EPHA8: variants seen among roughly 807,000 people sequenced by gnomAD.
EPHA8 encodes EPH receptor A8, also known as ephrin type-A receptor 8.
EPHA8 carries 58 observed loss-of-function variants against 103.6 expected under a neutral mutation model. That is an observed-to-expected ratio of 0.56 (90% confidence interval 0.45 to 0.70). EPHA8 has a LOEUF of 0.70. Ranked by LOEUF, EPHA8 falls within the 30% of genes least tolerant of loss-of-function variation. The pLI, the probability that EPHA8 is intolerant of heterozygous loss-of-function variation, is 0.00. For synonymous variants in EPHA8, 559 were observed against 572.5 expected (o/e 0.98, Z 0.34); for missense variants, 1,304 against 1,395.2 (o/e 0.93, Z 1.04).
Position 22,569,446 on chromosome 1 carries a change from CAGAGGCCCAG to C in EPHA8, c.159+99_159+108del. ...CTGCATGAGATAGATCAAAAGGAAG[CAGAGGCCCAG>C]AGAGGTCAAGGGACTTACCCAAGGG... On this transcript the variant is annotated intron_variant, in intron 2 of 16. Transcript: ENST00000166244. The surrounding 1 kb of genome is among the most constrained non-coding windows in gnomAD (Gnocchi z 4.5). 7.3e-7 allele frequency: 1 copy of C among 1,362,680 alleles called. No homozygotes were observed. The highest frequency in any genetic ancestry group is 1.0e-6 in the Non-Finnish European group (1 of 1,002,410). 84.4% of individuals were successfully genotyped at this position (1,362,680 alleles called of 1,614,324 possible).
intron 3 of EPHA8, among the ~76,000 whole-genome samples, chr1:22,586,160 G>T (rs546231948): frequency 6.6e-6 from 1 of 152,194 alleles, no homozygotes; most frequent in Admixed American, 6.5e-5. Context: ...GACAGGGCCT[G>T]GGGGAGGGGT....
chr1:22,580,127 CTTTTTTTTTTTTTTTT>C (rs764600240), intron 3 of EPHA8, among the ~76,000 whole-genome samples: 1 of 97,426 alleles, frequency 1.0e-5, no homozygotes, highest in African/African-American at 4.4e-5. Context: ...CTTTCTTTCT[CTTTTTTTTTTTTTTTT>C]TTTTTTTTTT....
chr1:22,576,927 G>A lies in EPHA8; in HGVS notation c.823+47G>A, dbSNP rs1222531729. On this transcript the variant is annotated intron_variant, in intron 3 of 16. Coordinates refer to ENST00000166244, the MANE Select transcript of EPHA8 (RefSeq NM_020526.5). This position sits in a 1 kb window ranked among gnomAD's most constrained non-coding sequence, Gnocchi z 4.8. ...CATGGGTCAGCCGGCAGCGGTGCTTGGTCTTGGCAGGGCTGCCAGGGTGTA... is the reference window on the plus strand; with the variant it reads ...CATGGGTCAGCCGGCAGCGGTGCTTAGTCTTGGCAGGGCTGCCAGGGTGTA... 2.0e-6 allele frequency: 3 copies of A among 1,537,174 alleles called. No homozygotes were observed. The highest frequency in any genetic ancestry group is 2.7e-5 in the African/African-American group (2 of 73,704).
Position 22,598,103 on chromosome 1 carries a change from GC to G in EPHA8, c.2117-45del. 6.3e-7 allele frequency: 1 copy of G among 1,593,358 alleles called. No homozygotes were observed. Among genetic ancestry groups the G allele is most frequent in the Non-Finnish European group, 8.6e-7 (1 of 1,162,150 alleles). ...ATGCTCCTGGGGTCTCTGATCAGCA[GC>G]CCTGAGCCCCAAACCAAGAGCCACC... On this transcript the variant is annotated intron_variant, in intron 11 of 16. Transcript: ENST00000166244. The surrounding 1 kb of genome is among the most constrained non-coding windows in gnomAD (Gnocchi z 5.1).
intron 1 of EPHA8, among the ~76,000 whole-genome samples, chr1:22,568,021 T>C (rs1446565352): frequency 2.0e-5 from 3 of 152,200 alleles, no homozygotes; most frequent in African/African-American, 7.2e-5. Context: ...AGCCCTGATT[T>C]CTAAACAGCA....
intron 15 of EPHA8, 90 bp from the exon 16 acceptor site, chr1:22,601,210 G>C (rs1393638068): frequency 6.5e-7 from 1 of 1,533,980 alleles, no homozygotes; most frequent in Non-Finnish European, 8.7e-7. Flanking sequence ...CCCGGCCCCT[G>C]CCCTGCCGAA....
At position 22,596,100 on chromosome 1, in the gene EPHA8, C is replaced by T; in HGVS notation, c.1698-6C>T. The T allele has an allele frequency of 6.2e-7, 1 of 1,613,756 alleles. No individual in the cohort carries two copies. Among genetic ancestry groups the T allele is most frequent in the Non-Finnish European group, 8.5e-7 (1 of 1,179,934 alleles). On this transcript the variant is annotated splice_region_variant and splice_polypyrimidine_tract_variant and intron_variant, in intron 8 of 16. Coordinates refer to ENST00000166244, the MANE Select transcript of EPHA8 (RefSeq NM_020526.5). ...GCCTCAGGCAGGGCGGTGCCCTCCT[C>T]TGCAGGCACTGTGGCTACAGCAAGG...
rs1569935118 is a variant in EPHA8 at position 22,563,940 on chromosome 1, C to T, written c.94+211C>T. 6.6e-6 allele frequency among the ~76,000 whole-genome samples: 1 copy of T among 151,876 alleles called. No individual in the cohort carries two copies. Among genetic ancestry groups the T allele is most frequent in the Non-Finnish European group, 1.5e-5 (1 of 67,912 alleles). On this transcript the variant is annotated intron_variant, in intron 1 of 16. Transcript: ENST00000166244. This position sits in a 1 kb window ranked among gnomAD's most constrained non-coding sequence, Gnocchi z 4.4. ...AACCCGCGAGCTTGAGGAAGACGGA[C>T]AGGTACCGGGGACTGGGGGACAGTG...
chr1:22,577,897 ATG>A (rs367838121), intron 3 of EPHA8, among the ~76,000 whole-genome samples: 1,166 of 65,818 alleles, frequency 0.018, 69 homozygotes, highest in African/African-American at 0.064. Context: ...GAGTGTGTGC[ATG>A]TGTGTGTATG....
At chr1:22,577,729 G>T (rs1003193195) in intron 3 of EPHA8, among the ~76,000 whole-genome samples, 2 of 151,370 alleles carry the variant, frequency 1.3e-5, no homozygotes, top group South Asian at 2.1e-4. Context: ...CAGGAGCAAG[G>T]CATGCAGACG....
At chr1:22,583,828 C>T (rs933250778) in intron 3 of EPHA8, among the ~76,000 whole-genome samples, 1 of 152,212 alleles carries the variant, frequency 6.6e-6, no homozygotes, top group Non-Finnish European at 1.5e-5. Context: ...TGACAAGGAC[C>T]AGGTGGGCCC....
intron 2 of EPHA8, among the ~76,000 whole-genome samples, chr1:22,572,513 C>G (rs1028457661): frequency 5.9e-5 from 9 of 152,234 alleles, no homozygotes; most frequent in African/African-American, 2.2e-4. Context: ...CCGGGAACTT[C>G]CGCATGCTGG....
chr1:22,564,301 A>G (rs1640291363), intron 1 of EPHA8, among the ~76,000 whole-genome samples: 1 of 147,922 alleles, frequency 6.8e-6, no homozygotes, highest in African/African-American at 2.5e-5. Flanking sequence ...GTGCGGAATG[A>G]GAGTCTGGGA....
intron 1 of EPHA8, among the ~76,000 whole-genome samples, chr1:22,566,725 T>C (rs1006010335): frequency 1.3e-5 from 2 of 152,166 alleles, no homozygotes; most frequent in African/African-American, 4.8e-5. Flanking sequence ...CCAGAGGGTC[T>C]GAATTCCCAA....
Position 22,569,273 on chromosome 1 carries a change from G to GTCTCCTGTTT in EPHA8, c.95-14_95-5dup. 1 of 1,613,262 alleles carries GTCTCCTGTTT rather than the reference G, an allele frequency of 6.2e-7. No individual in the cohort carries two copies. Among genetic ancestry groups the GTCTCCTGTTT allele is most frequent in the African/African-American group, 1.3e-5 (1 of 75,004 alleles). On this transcript the variant is annotated splice_polypyrimidine_tract_variant and intron_variant, in intron 1 of 16. Coordinates refer to ENST00000166244, the MANE Select transcript of EPHA8 (RefSeq NM_020526.5). The surrounding 1 kb of genome is among the most constrained non-coding windows in gnomAD (Gnocchi z 4.5). Reference sequence around the variant, plus strand: ...AGTCAGAGGGGCCTGATGCCCTCTTGTCTCCTGTTTTACAGTGAATTTGCT... The same window carrying GTCTCCTGTTT: ...AGTCAGAGGGGCCTGATGCCCTCTTGTCTCCTGTTTTCTCCTGTTTTACAGTGAATTTGCT...
chr1:22,576,870 T>A lies in EPHA8; in HGVS notation c.813T>A (p.Asp271Glu), dbSNP rs1640722621. The change falls in exon 3 of 17, where the codon GAT becomes GAA. Residue 271 changes from aspartate (D) to glutamate (E), a missense_variant. Asp to Glu is a conservative substitution (Grantham distance 45). Coordinates refer to ENST00000166244, the MANE Select transcript of EPHA8 (RefSeq NM_020526.5). This position sits in a 1 kb window ranked among gnomAD's most constrained non-coding sequence, Gnocchi z 4.8. ...VCSAGYEERRDACVACELGFY... is the reference protein window; with the variant it reads ...VCSAGYEERREACVACELGFY... ...GTGCCGGCTACGAGGAGCGGCGGGA[T>A]GCCTGTGTGGGTGAGCGCGCCATGG... 1 of 1,591,780 alleles carries A rather than the reference T, an allele frequency of 6.3e-7. No homozygotes were observed.
intron 8 of EPHA8, among the ~76,000 whole-genome samples, chr1:22,595,532 G>T (rs1641493837): frequency 6.6e-6 from 1 of 152,194 alleles, no homozygotes; most frequent in African/African-American, 2.4e-5. Flanking sequence ...AGAGAGGTTA[G>T]TCTTCTTGCC....
intron 3 of EPHA8, among the ~76,000 whole-genome samples, chr1:22,578,876 CGT>C (rs138678721): frequency 5.0e-5 from 6 of 119,872 alleles, no homozygotes; most frequent in African/African-American, 1.2e-4. Flanking sequence ...TGCACGTGTC[CGT>C]GTGTCCGTGT....
chr1:22,577,654 C>A (rs1317375621), intron 3 of EPHA8, among the ~76,000 whole-genome samples: 2 of 152,038 alleles, frequency 1.3e-5, no homozygotes, highest in Non-Finnish European at 2.9e-5. Flanking sequence ...AGAAGAGAGC[C>A]CCTGGGCCAT....
Sources: gnomAD v4.1 joint callset for allele counts (sites outside exome capture counted in the v4.1 genomes callset) on GRCh38, gnomAD v4.1.1 for gene constraint, Gnocchi (gnomAD v3.1) non-coding constraint, MANE v1.5 for transcripts, NCBI Gene and HGNC (gene_info 2026-07-23, HGNC 2026-07-21) for gene names.